PDE11A: variants seen among roughly 807,000 people sequenced by gnomAD.
PDE11A encodes the protein phosphodiesterase 11A, also known as dual 3',5'-cyclic-AMP and -GMP phosphodiesterase 11A.
PDE11A carries 100 observed loss-of-function variants against 100.5 expected under a neutral mutation model. That is an observed-to-expected ratio of 1.00 (90% CI 0.85 to 1.18). The LOEUF (loss-of-function observed/expected upper bound fraction) is 1.18. Among genes scored for constraint, PDE11A ranks in the 50% most tolerant of loss-of-function variants. PDE11A has a pLI of 0.00. For synonymous variants in PDE11A, 381 were observed against 420.8 expected (o/e 0.91, Z 1.16); for missense variants, 1,141 against 1,152.6 (o/e 0.99, Z 0.15).
Position 177,669,518 on chromosome 2 carries a change from C to T in PDE11A, c.2537G>A (p.Arg846Lys). 1.4e-6 allele frequency: 2 copies of T among 1,429,604 alleles called. No individual in the cohort carries two copies. Among genetic ancestry groups the T allele is most frequent in the Non-Finnish European group, 2.0e-6 (2 of 1,012,012 alleles). The allele number at this position is 1,429,604 out of a possible 1,614,324, so 88.6% of individuals were successfully genotyped here. ...SEFFEQGDRE[R>K]LELKLTPSAI... ...TGAAGGAGTGAGTTTGAGCTCTAATCTCTCCCGATCTCCTTGTTCGAAGAA... is the reference window on the plus strand; with the variant it reads ...TGAAGGAGTGAGTTTGAGCTCTAATTTCTCCCGATCTCCTTGTTCGAAGAA... The change falls in exon 18 of 20, where the codon AGA (arginine) becomes AAA (lysine). Residue 846 changes from arginine to lysine, a missense_variant. Transcript: ENST00000286063.
intron 5 of PDE11A, among the ~76,000 whole-genome samples, chr2:177,848,272 A>G (rs960450986): frequency 6.6e-6 from 1 of 152,250 alleles, no homozygotes; most frequent in Non-Finnish European, 1.5e-5. Flanking sequence ...GGAAAAAAAC[A>G]GCAGACAGTA....
intron 5 of PDE11A, among the ~76,000 whole-genome samples, chr2:177,844,655 C>G (rs906221527): frequency 6.6e-6 from 1 of 151,092 alleles, no homozygotes; most frequent in African/African-American, 2.4e-5. Context: ...GAACAAAGGT[C>G]TCTGGTTTTC....
intron 2 of PDE11A, among the ~76,000 whole-genome samples, chr2:178,081,926 C>A (rs1381695260): frequency 6.6e-6 from 1 of 152,224 alleles, no homozygotes; most frequent in Non-Finnish European, 1.5e-5. Flanking sequence ...AGAGACTACC[C>A]AGTACTTCGT....
At chr2:177,760,972 TA>T (rs2082160176) in intron 10 of PDE11A, among the ~76,000 whole-genome samples, 1 of 152,120 alleles carries the variant, frequency 6.6e-6, no homozygotes, top group African/African-American at 2.4e-5. Flanking sequence ...TAGAACTATA[TA>T]AAATAGTAAA....
intron 1 of PDE11A, among the ~76,000 whole-genome samples, chr2:178,046,446 T>C (rs2105852966): frequency 6.6e-6 from 1 of 152,342 alleles, no homozygotes; most frequent in South Asian, 2.1e-4. Flanking sequence ...AAAGATAACA[T>C]TGAGAAAGTA....
At chr2:178,066,929 C>T (rs2087054321) in intron 1 of PDE11A, among the ~76,000 whole-genome samples, 1 of 152,186 alleles carries the variant, frequency 6.6e-6, no homozygotes, top group Admixed American at 6.5e-5. Context: ...CGGCCAGAGT[C>T]CTGCTTTACC....
chr2:177,833,012 C>CA (rs34682002), intron 6 of PDE11A, among the ~76,000 whole-genome samples: 4,156 of 152,168 alleles, frequency 0.027, 182 homozygotes, highest in African/African-American at 0.095. Context: ...TGCTCTAAAG[C>CA]TTTTTTTAAA....
At chr2:177,879,404 G>C (rs928965321) in intron 4 of PDE11A, among the ~76,000 whole-genome samples, 11 of 152,180 alleles carry the variant, frequency 7.2e-5, no homozygotes, top group African/African-American at 2.7e-4. Flanking sequence ...CAAGAGTTAA[G>C]TTTTTAACTT....
At chr2:178,103,131 C>T (rs960098630) in intron 2 of PDE11A, among the ~76,000 whole-genome samples, 4 of 151,984 alleles carry the variant, frequency 2.6e-5, no homozygotes. Flanking sequence ...TGTTGTATTC[C>T]AGGTTGTTTG....
chr2:178,004,830 T>C (rs763490700), intron 2 of PDE11A, among the ~76,000 whole-genome samples: 1 of 152,168 alleles, frequency 6.6e-6, no homozygotes, highest in Non-Finnish European at 1.5e-5. Context: ...GATGCATATC[T>C]ACAGCCTGGC....
At chr2:177,938,984 G>A (rs1033440281) in intron 2 of PDE11A, among the ~76,000 whole-genome samples, 47 of 152,192 alleles carry the variant, frequency 3.1e-4, no homozygotes, top group African/African-American at 1.1e-3. Context: ...CAAGGAGACA[G>A]GCCTTAGAAG....
intron 4 of PDE11A, among the ~76,000 whole-genome samples, chr2:177,895,784 T>A (rs2084603456): frequency 6.6e-6 from 1 of 152,272 alleles, no homozygotes; most frequent in African/African-American, 2.4e-5. Flanking sequence ...TTGGTCACAG[T>A]GTACAAGTTT....
chr2:177,863,077 C>T (rs1360948295), intron 5 of PDE11A, among the ~76,000 whole-genome samples: 2 of 151,834 alleles, frequency 1.3e-5, no homozygotes, highest in Non-Finnish European at 3.0e-5. Flanking sequence ...CAGGACACAA[C>T]AGGAAAATAA....
chr2:177,672,877 A>G lies in PDE11A; in HGVS notation c.2487+2578T>C, dbSNP rs901569959. 4.7e-4 allele frequency among the ~76,000 whole-genome samples: 71 copies of G among 152,212 alleles called. 1 individual carries two copies. The highest frequency in any genetic ancestry group is 2.1e-4 in the Non-Finnish European group (14 of 68,032). On this transcript the variant is annotated intron_variant, in intron 17 of 19. Coordinates refer to ENST00000286063, the MANE Select transcript of PDE11A (RefSeq NM_016953.4). Reference sequence around the variant, plus strand: ...AGTTTGATTAGGACTCAGCTTTGTAACAAGAATCAAATAAAAGACATCTAG... The same window carrying G: ...AGTTTGATTAGGACTCAGCTTTGTAGCAAGAATCAAATAAAAGACATCTAG...
At chr2:177,956,078 G>C (rs1403720654) in intron 2 of PDE11A, among the ~76,000 whole-genome samples, 1 of 152,004 alleles carries the variant, frequency 6.6e-6, no homozygotes, top group East Asian at 1.9e-4. Context: ...TTAAACTAAA[G>C]AGCTTCTGCA....
At chr2:178,010,258 A>T (rs575470057) in intron 2 of PDE11A, among the ~76,000 whole-genome samples, 1 of 152,236 alleles carries the variant, frequency 6.6e-6, no homozygotes, top group East Asian at 1.9e-4. Context: ...AACACTCACG[A>T]CATGGCTTCC....
At chr2:178,062,968 G>A (rs1354394828) in intron 1 of PDE11A, among the ~76,000 whole-genome samples, 2 of 152,140 alleles carry the variant, frequency 1.3e-5, no homozygotes, top group African/African-American at 4.8e-5. Flanking sequence ...GAGATTTAGT[G>A]TTCATTTATT....
At chr2:178,039,423 T>C (rs2086656818) in intron 1 of PDE11A, among the ~76,000 whole-genome samples, 1 of 151,872 alleles carries the variant, frequency 6.6e-6, no homozygotes, top group African/African-American at 2.4e-5. Context: ...AAAATAAATA[T>C]TGGGTACCAG....
At chr2:177,886,139 G>C (rs1022574148) in intron 4 of PDE11A, among the ~76,000 whole-genome samples, 5 of 152,194 alleles carry the variant, frequency 3.3e-5, no homozygotes, top group Admixed American at 2.6e-4. Context: ...GAAGTGATAG[G>C]AATTGCTTAG....
Sources: gnomAD v4.1 joint callset for allele counts (sites outside exome capture counted in the v4.1 genomes callset) on GRCh38, gnomAD v4.1.1 for gene constraint, MANE v1.5 for transcripts, NCBI Gene and HGNC (gene_info 2026-07-23, HGNC 2026-07-21) for gene names.